Variants in PCDH9 observed in about 807,000 individuals in gnomAD.
PCDH9 encodes protocadherin 9, also known as protocadherin-9.
PCDH9 carries 24 observed loss-of-function variants against 70.6 expected under a neutral mutation model. The observed-to-expected ratio is 0.34, with a 90% CI of 0.25 to 0.48. The LOEUF (loss-of-function observed/expected upper bound fraction) is 0.48. Among genes scored for constraint, PCDH9 ranks in the 20% least tolerant of loss-of-function variants. The pLI, the probability that PCDH9 is intolerant of heterozygous loss-of-function variation, is 0.99. For synonymous variants in PCDH9, 562 were observed against 558.5 expected, an observed-to-expected ratio of 1.01 and a Z score of -0.09; for missense variants, 1,281 against 1,503.6, an observed-to-expected ratio of 0.85 and a Z score of 2.45.
chr13:66,923,562 A>G (rs2082671460), intron 2 of PCDH9, among the ~76,000 whole-genome samples: 1 of 151,832 alleles, frequency 6.6e-6, no homozygotes, highest in Non-Finnish European at 1.5e-5. Flanking sequence ...AGACATAGCT[A>G]TAGGTAACTC....
intron 2 of PCDH9, among the ~76,000 whole-genome samples, chr13:67,164,717 T>A (rs2088062376): frequency 6.6e-6 from 1 of 152,246 alleles, no homozygotes; most frequent in Admixed American, 6.5e-5. Context: ...GGATAGAGCC[T>A]GTTTTCATCT....
chr13:66,702,384 G>A (rs567209400), intron 3 of PCDH9, among the ~76,000 whole-genome samples: 46 of 152,220 alleles, frequency 3.0e-4, no homozygotes, highest in Admixed American at 1.2e-3. Context: ...CACAAAAGCA[G>A]ACAGCAGAAT....
chr13:66,814,349 T>G (rs1447898702), intron 3 of PCDH9, among the ~76,000 whole-genome samples: 1 of 152,156 alleles, frequency 6.6e-6, no homozygotes, highest in Non-Finnish European at 1.5e-5. Context: ...CAGAAATTTA[T>G]TAAGCTATTA....
At chr13:66,356,689 A>G (rs188277901) in intron 4 of PCDH9, among the ~76,000 whole-genome samples, 49 of 152,294 alleles carry the variant, frequency 3.2e-4, no homozygotes, top group Admixed American at 3.1e-3. Flanking sequence ...TCAGATTCAG[A>G]GTAAACAAAT....
chr13:66,713,621 G>GTCTATATATATATATATA (rs1415001060), intron 3 of PCDH9, among the ~76,000 whole-genome samples: 2 of 16,886 alleles, frequency 1.2e-4, no homozygotes, highest in South Asian at 6.2e-3. Context: ...AAGTGTGTGT[G>GTCTATATATATATATATA]TGTGTATATA....
chr13:66,703,188 G>A (rs951458505), intron 3 of PCDH9, among the ~76,000 whole-genome samples: 5 of 151,754 alleles, frequency 3.3e-5, no homozygotes, highest in Admixed American at 1.3e-4. Flanking sequence ...TTACCATCAC[G>A]CAATGTATTG....
chr13:66,714,011 C>A (rs73200932), intron 3 of PCDH9, among the ~76,000 whole-genome samples: 1 of 151,926 alleles, frequency 6.6e-6, no homozygotes, highest in Non-Finnish European at 1.5e-5. Flanking sequence ...GTTTCTTCAT[C>A]CTATAATTTA....
intron 4 of PCDH9, among the ~76,000 whole-genome samples, chr13:66,418,847 A>C (rs1957509944): frequency 6.6e-6 from 1 of 152,106 alleles, no homozygotes; most frequent in Non-Finnish European, 1.5e-5. Context: ...CGCTAGCCAG[A>C]CTAATAAAGA....
chr13:66,620,763 C>T (rs1267031876), intron 4 of PCDH9, among the ~76,000 whole-genome samples: 3 of 151,832 alleles, frequency 2.0e-5, no homozygotes, highest in Non-Finnish European at 4.4e-5. Flanking sequence ...GCTCATAGAA[C>T]AAAATTGCAA....
chr13:67,020,653 GA>G (rs1453701363), intron 2 of PCDH9, among the ~76,000 whole-genome samples: 2 of 152,238 alleles, frequency 1.3e-5, no homozygotes, highest in Admixed American at 6.5e-5. Flanking sequence ...TCCCTGCGGG[GA>G]AAAAATGCCA....
intron 4 of PCDH9, among the ~76,000 whole-genome samples, chr13:66,372,544 A>C (rs1956674138): frequency 6.6e-6 from 1 of 151,464 alleles, no homozygotes; most frequent in Non-Finnish European, 1.5e-5. Flanking sequence ...AATTATAACA[A>C]GTCTTGATCG....
intron 4 of PCDH9, among the ~76,000 whole-genome samples, chr13:66,515,475 T>A (rs1235443418): frequency 2.0e-5 from 3 of 151,914 alleles, no homozygotes; most frequent in Non-Finnish European, 2.9e-5. Flanking sequence ...GGTAAAATTT[T>A]AAAAAATAAA....
chr13:66,994,303 A>C (rs1220583062), intron 2 of PCDH9, among the ~76,000 whole-genome samples: 1 of 152,172 alleles, frequency 6.6e-6, no homozygotes, highest in Non-Finnish European at 1.5e-5. Context: ...ATGAAGTGCC[A>C]TTGCTGCGGC....
chr13:66,589,012 T>C (rs1227545896), intron 4 of PCDH9, among the ~76,000 whole-genome samples: 1 of 152,096 alleles, frequency 6.6e-6, no homozygotes, highest in Admixed American at 6.6e-5. Context: ...TTTTCAGATG[T>C]ATATGTTATA....
At chr13:66,892,103 C>T (rs2082105312) in intron 3 of PCDH9, among the ~76,000 whole-genome samples, 1 of 151,136 alleles carries the variant, frequency 6.6e-6, no homozygotes, top group Admixed American at 6.6e-5. Flanking sequence ...ATGAATCTAA[C>T]TAGCTAGTTT....
intron 2 of PCDH9, chr13:67,212,804 G>A (rs1336057676): frequency 6.6e-6 from 1 of 152,062 alleles, no homozygotes; most frequent in African/African-American, 2.4e-5. Context: ...CATTCACATA[G>A]GGAAAGATGT....
At position 67,032,921 on chromosome 13, in the gene PCDH9, A is replaced by G. The variant is rs369467133; in HGVS notation, c.3037-129316T>C. On this transcript the variant is annotated intron_variant, in intron 2 of 4. Coordinates refer to ENST00000377865, the MANE Select transcript of PCDH9 (RefSeq NM_203487.3). Reference sequence around the variant, plus strand: ...GTTTTCACAGTTTGCAAAATCTGAGATACTGATTTCTAATAGTAGCCTATG... The same window carrying G: ...GTTTTCACAGTTTGCAAAATCTGAGGTACTGATTTCTAATAGTAGCCTATG... Among the ~76,000 whole-genome samples the G allele has an allele frequency of 4.3e-4, 66 of 152,262 alleles. No individual in the cohort carries two copies. In the South Asian group the frequency reaches 0.013, roughly 30 times the overall value.
intron 2 of PCDH9, among the ~76,000 whole-genome samples, chr13:67,135,376 C>G (rs1355353333): frequency 6.6e-6 from 1 of 152,094 alleles, no homozygotes; most frequent in Non-Finnish European, 1.5e-5. Context: ...ATTCTAAACT[C>G]TAGCTATGTG....
chr13:66,631,117 T>C (rs2077565932), intron 4 of PCDH9, 93 bp downstream of exon 4: 1 of 683,464 alleles, frequency 1.5e-6, no homozygotes. Flanking sequence ...TAACTAAATG[T>C]TCATCCTTGC....
Sources: gnomAD v4.1 joint callset for allele counts (sites outside exome capture counted in the v4.1 genomes callset) on GRCh38, gnomAD v4.1.1 for gene constraint, MANE v1.5 for transcripts, NCBI Gene and HGNC (gene_info 2026-07-23, HGNC 2026-07-21) for gene names.